The following TOGARAM2 variants were observed in gnomAD, a reference collection of about 807,000 sequenced individuals.
The protein encoded by TOGARAM2 is TOG array regulator of axonemal microtubules protein 2.
TOGARAM2 carries 85 observed loss-of-function variants against 93.3 expected under a neutral mutation model. The observed-to-expected ratio is 0.91, with a 90% confidence interval of 0.76 to 1.09. The LOEUF is 1.09. TOGARAM2 is among the 50% of genes least tolerant of loss of function. The probability of loss-of-function intolerance (pLI) is 0.00; values close to 1 mark genes in which losing one functional copy is unlikely to be tolerated. For synonymous variants in TOGARAM2, 593 were observed against 552.8 expected (o/e 1.07, Z -1.02); for missense variants, 1,277 against 1,334.5 (o/e 0.96, Z 0.67).
At position 29,014,524 on chromosome 2, in the gene TOGARAM2, C is replaced by A; in HGVS notation, c.1007C>A (p.Pro336Gln). ...GACTGTGCCAGAGAAGCCTGCCCTC[C>A]GCTGAAAGAAGAGGACCAGAAGGAG... ...SFDCAREACP[P>Q]LKEEDQKEIG... The change falls in exon 8 of 20, where the codon CCG becomes CAG. Residue 336 changes from proline to glutamine, a missense_variant. Physicochemically the swap from Pro to Gln is moderately conservative, Grantham distance 76 (BLOSUM62 -1). Transcript: ENST00000379558. 6.4e-7 allele frequency: 1 copy of A among 1,573,328 alleles called. No individual in the cohort carries two copies. Among genetic ancestry groups the A allele is most frequent in the East Asian group, 2.3e-5 (1 of 42,596 alleles).
At chr2:28,999,910 G>C (rs1271462327) in intron 4 of TOGARAM2, among the ~76,000 whole-genome samples, 1 of 152,080 alleles carries the variant, frequency 6.6e-6, no homozygotes, top group Non-Finnish European at 1.5e-5. Context: ...TGGGGCTTGT[G>C]GGCTCTTTCC....
rs747367367 is a variant in TOGARAM2 at position 29,023,040 on chromosome 2, C to T, written c.1512-46C>T. 1.1e-5 allele frequency: 16 copies of T among 1,519,434 alleles called. No homozygotes were observed. In the East Asian group the frequency reaches 2.9e-4, roughly 28 times the overall value. 94.1% of individuals were successfully genotyped at this position (1,519,434 alleles called of 1,614,324 possible). A position where few individuals can be genotyped will look rare whatever the true frequency, so the allele number is the denominator to read the frequency against. ...CCCTAGTCTGCAGAGGGGTGGGGCT[C>T]CTCCCTCTCCACCCTTCTGCAACAG... On this transcript the variant is annotated intron_variant, in intron 11 of 19. Coordinates refer to ENST00000379558, the MANE Select transcript of TOGARAM2 (RefSeq NM_199280.4).
Position 29,024,214 on chromosome 2 carries a change from A to G in TOGARAM2, c.1693A>G (p.Asn565Asp). Residue 565 changes from asparagine to aspartate, a missense_variant, in exon 13 of 20, where the codon AAT (asparagine) becomes GAT (aspartate). By Grantham distance (23) the Asn-to-Asp change is conservative. Transcript: ENST00000379558. The stretch of plus-strand genomic sequence containing the variant: ...AGACCTCTTCCAGGCCTTGAAGAAG[A>G]ATATGGACCAGGAGGCCGAGGAGAT... The part of the protein sequence containing the change: ...LGDLFQALKK[N>D]MDQEAEEIAR... 1 of 1,608,066 alleles carries G rather than the reference A, an allele frequency of 6.2e-7. No individual in the cohort carries two copies. The highest frequency in any genetic ancestry group is 1.1e-5 in the South Asian group (1 of 89,754).
chr2:29,050,230 T>G (rs1242088647), intron 19 of TOGARAM2: 2 of 152,192 alleles, frequency 1.3e-5, no homozygotes, highest in Non-Finnish European at 2.9e-5. Flanking sequence ...TGGAGGCGCA[T>G]GCCTGTGGTC....
At chr2:29,041,776 C>T (rs766191213) in intron 18 of TOGARAM2, among the ~76,000 whole-genome samples, 1 of 152,170 alleles carries the variant, frequency 6.6e-6, no homozygotes, top group Non-Finnish European at 1.5e-5. Context: ...TAGGAAAGCA[C>T]CAGGTTAGGC....
chr2:29,012,062 G>A (rs1664282936), intron 7 of TOGARAM2, among the ~76,000 whole-genome samples: 2 of 152,228 alleles, frequency 1.3e-5, no homozygotes, highest in South Asian at 2.1e-4. Context: ...ACAGGATTGA[G>A]GCGAGGAGAG....
chr2:28,960,353 C>A (rs79426074), intron 1 of TOGARAM2, among the ~76,000 whole-genome samples: 203 of 152,222 alleles, frequency 1.3e-3, no homozygotes, highest in Non-Finnish European at 2.2e-3. Flanking sequence ...ATACCATCCT[C>A]CTGTCTAATT....
chr2:29,023,278 C>G, intron 12 of TOGARAM2, 87 bp downstream of exon 12: 2 of 1,106,386 alleles, frequency 1.8e-6, no homozygotes, highest in Non-Finnish European at 2.6e-6. Flanking sequence ...GGGGCTGTGG[C>G]TTCAGGGACA....
chr2:29,039,081 G>A (rs1014020211), intron 18 of TOGARAM2, among the ~76,000 whole-genome samples: 1 of 152,186 alleles, frequency 6.6e-6, no homozygotes, highest in African/African-American at 2.4e-5. Context: ...GATAGCAGCA[G>A]AGAGTGCATC....
chr2:29,038,484 G>T (rs1243441188), intron 18 of TOGARAM2, among the ~76,000 whole-genome samples: 9 of 152,106 alleles, frequency 5.9e-5, no homozygotes, highest in African/African-American at 2.2e-4. Flanking sequence ...TTTTGTTTTT[G>T]TTTTTTCGAG....
intron 4 of TOGARAM2, among the ~76,000 whole-genome samples, chr2:28,999,996 C>G (rs1436332162): frequency 6.6e-6 from 1 of 152,204 alleles, no homozygotes; most frequent in Non-Finnish European, 1.5e-5. Flanking sequence ...ACCCAGCCTC[C>G]CTTCTTGGCT....
At chr2:28,976,332 C>T (rs1278196987), upstream of TOGARAM2, among the ~76,000 whole-genome samples, 4 of 152,206 alleles carry the variant, frequency 2.6e-5, no homozygotes, top group African/African-American at 9.7e-5. Context: ...GATCACACCA[C>T]TGCACTCCAG....
chr2:29,021,007 G>A (rs1358661109), intron 10 of TOGARAM2, among the ~76,000 whole-genome samples: 6 of 152,092 alleles, frequency 3.9e-5, no homozygotes, highest in Admixed American at 1.3e-4. Flanking sequence ...TACGCTTCCC[G>A]AGTTCAAGCG....
intron 16 of TOGARAM2, among the ~76,000 whole-genome samples, chr2:29,033,884 C>G (rs563187652): frequency 6.6e-6 from 1 of 152,204 alleles, no homozygotes; most frequent in African/African-American, 2.4e-5. Context: ...TCGCTTAGAC[C>G]AGCAGATCCT....
chr2:29,011,773 C>T (rs756091156), intron 7 of TOGARAM2, among the ~76,000 whole-genome samples: 4 of 152,242 alleles, frequency 2.6e-5, no homozygotes, highest in African/African-American at 7.2e-5. Flanking sequence ...GCCACGGCCT[C>T]GATAAGAGAG....
intron 4 of TOGARAM2, among the ~76,000 whole-genome samples, 177 bp from the exon 5 acceptor site, chr2:29,002,359 A>C (rs983582041): frequency 6.6e-6 from 1 of 152,148 alleles, no homozygotes; most frequent in Admixed American, 6.5e-5. Context: ...TGGCACAGAC[A>C]CTCAGAAGTG....
chr2:28,990,972 A>AGTGT (rs71403639), intron 1 of TOGARAM2, among the ~76,000 whole-genome samples: 81 of 131,906 alleles, frequency 6.1e-4, no homozygotes, highest in Non-Finnish European at 7.9e-4. Flanking sequence ...TGGACATGCG[A>AGTGT]GTGTGTGTGT....
At chr2:29,032,535 G>A (rs1665830307) in intron 14 of TOGARAM2, among the ~76,000 whole-genome samples, 1 of 152,100 alleles carries the variant, frequency 6.6e-6, no homozygotes, top group African/African-American at 2.4e-5. Context: ...ACAAAATTGA[G>A]TACACTTTGG....
intron 1 of TOGARAM2, among the ~76,000 whole-genome samples, chr2:28,965,632 C>G (rs1025149797): frequency 2.0e-5 from 3 of 152,178 alleles, no homozygotes; most frequent in African/African-American, 7.2e-5. Flanking sequence ...GGAATTGTAC[C>G]CTCTTGTGCA....
Sources: gnomAD v4.1 joint callset for allele counts (sites outside exome capture counted in the v4.1 genomes callset) on GRCh38, gnomAD v4.1.1 for gene constraint, MANE v1.5 for transcripts, NCBI Gene and HGNC (gene_info 2026-07-23, HGNC 2026-07-21) for gene names.